Variants in MR1 observed in about 807,000 individuals in gnomAD.
The protein encoded by MR1 is major histocompatibility complex class I-related protein 1.
MR1 carries 44 observed loss-of-function variants against 37.8 expected under a neutral mutation model. The observed-to-expected ratio is 1.16, with a 90% CI of 0.91 to 1.50. MR1 has a LOEUF of 1.50. Among genes scored for constraint, MR1 ranks in the 40% most tolerant of loss-of-function variants. The probability of loss-of-function intolerance (pLI) is 0.00; values close to 1 mark genes in which losing one functional copy is unlikely to be tolerated. For missense variants in MR1, 386 were observed against 419.1 expected (o/e 0.92, Z 0.69); for synonymous variants, 153 against 155.8 (o/e 0.98, Z 0.13).
At chr1:181,045,719 C>A (rs1657816373) in intron 1 of MR1, among the ~76,000 whole-genome samples, 1 of 152,238 alleles carries the variant, frequency 6.6e-6, no homozygotes, top group Non-Finnish European at 1.5e-5. Context: ...GCTGCCTGGG[C>A]TCCCACTTTG....
Position 181,055,153 on chromosome 1 carries a change from A to G in MR1, c.986-72A>G, listed in dbSNP as rs1041294507. On this transcript the variant is annotated intron_variant, in intron 5 of 5. Transcript: ENST00000367580. ...ATGCCTGTTTCTCAGATTTTGCTGA[A>G]CACTGCATACTTTATTTTTGAGCTG... The G allele has an allele frequency of 1.9e-5, 28 of 1,439,524 alleles. No individual in the cohort carries two copies. In the Admixed American group the frequency reaches 4.8e-4, roughly 24 times the overall value. The allele number at this position is 1,439,524 out of a possible 1,614,324, so 89.2% of individuals were successfully genotyped here.
At chr1:181,043,741 G>A (rs10159004) in intron 1 of MR1, among the ~76,000 whole-genome samples, 17 of 152,126 alleles carry the variant, frequency 1.1e-4, no homozygotes, top group Non-Finnish European at 2.2e-4. Flanking sequence ...ACACTAACTA[G>A]TACAATCAGT....
At chr1:181,049,638 A>G in intron 2 of MR1, 1 of 488,046 alleles carries the variant, frequency 2.0e-6, no homozygotes, top group South Asian at 2.7e-5. Context: ...ACTTCCTGGT[A>G]GTCAGGCCTA....
At chr1:181,048,904 T>C (rs558683007) in intron 1 of MR1, 148 bp from the exon 2 acceptor site, 1 of 1,020,558 alleles carries the variant, frequency 9.8e-7, no homozygotes, top group Non-Finnish European at 1.4e-6. Context: ...TCCTGGGTTC[T>C]GTGGTTCTGT....
Position 181,051,485 on chromosome 1 carries a change from G to T in MR1, c.605-750G>T, listed in dbSNP as rs115514225. ...TATTGGGTTGGCCGATGATAAGGTG[G>T]GGGTCAGGAGGCAAGTCAGAGATGA... On this transcript the variant is annotated intron_variant, in intron 3 of 5. Transcript: ENST00000367580. Among the ~76,000 whole-genome samples, 1,301 of 152,176 alleles carry T rather than the reference G, an allele frequency of 8.5e-3. 19 individuals carry two copies. Among genetic ancestry groups the T allele is most frequent in the African/African-American group, 0.03 (1,241 of 41,520 alleles).
intron 1 of MR1, among the ~76,000 whole-genome samples, chr1:181,041,901 A>G (rs1657573120): frequency 6.6e-6 from 1 of 152,178 alleles, no homozygotes; most frequent in Non-Finnish European, 1.5e-5. Flanking sequence ...GAGGGCAGAC[A>G]TTTTTATCTG....
At chr1:181,037,078 A>G (rs1657314363) in intron 1 of MR1, 1 of 152,172 alleles carries the variant, frequency 6.6e-6, no homozygotes, top group African/African-American at 2.4e-5. Context: ...GCATTGCCAT[A>G]TGTGATTTGT....
At position 181,047,878 on chromosome 1, in the gene MR1, C is replaced by T. The variant is rs563109896; in HGVS notation, c.68-1174C>T. ...TCATGCCACTGCACTCCAGCCTGGG[C>T]GACAGAGTGAGACTCTGTCTCTAAA... On this transcript the variant is annotated intron_variant, in intron 1 of 5. Coordinates refer to ENST00000367580, the MANE Select transcript of MR1 (RefSeq NM_001385161.1). 2.8e-4 allele frequency among the ~76,000 whole-genome samples: 42 copies of T among 151,534 alleles called. No homozygotes were observed. In the Middle Eastern group the frequency reaches 0.01, roughly 37 times the overall value.
Position 181,049,118 on chromosome 1 carries a change from T to C in MR1, c.134T>C (p.Ile45Thr), listed in dbSNP as rs769604770. 1.9e-6 allele frequency: 3 copies of C among 1,614,140 alleles called. No homozygotes were observed. The highest frequency in any genetic ancestry group is 2.2e-5 in the South Asian group (2 of 91,090). The change falls in exon 2 of 6, where the codon ATT (isoleucine) becomes ACT (threonine). Residue 45 changes from isoleucine (I) to threonine (T), a missense_variant. By Grantham distance (89) the Ile-to-Thr change is moderately conservative (BLOSUM62 -1). Coordinates refer to ENST00000367580, the MANE Select transcript of MR1 (RefSeq NM_001385161.1). ...SDPIHGVPEF[I>T]SVGYVDSHPI... is the part of the protein sequence containing the mutation. ...CCCATCCATGGGGTCCCTGAATTTA[T>C]TTCGGTTGGGTACGTGGACTCGCAC...
At chr1:181,046,223 G>A (rs997639353) in intron 1 of MR1, among the ~76,000 whole-genome samples, 7 of 152,374 alleles carry the variant, frequency 4.6e-5, no homozygotes, top group East Asian at 3.9e-4. Flanking sequence ...GGCGCACGGC[G>A]CGGGAATGGC....
intron 1 of MR1, among the ~76,000 whole-genome samples, chr1:181,039,904 C>T (rs866111114): frequency 6.6e-6 from 1 of 151,846 alleles, no homozygotes; most frequent in African/African-American, 2.4e-5. Flanking sequence ...GAAAAATTGC[C>T]CTCATGGATG....
At chr1:181,053,491 G>T in intron 4 of MR1, 82 bp from the exon 5 acceptor site, 1 of 1,023,274 alleles carries the variant, frequency 9.8e-7, no homozygotes, top group South Asian at 1.4e-5. Context: ...GTTTCCTGAT[G>T]ATCACAGGGA....
intron 1 of MR1, among the ~76,000 whole-genome samples, chr1:181,041,465 T>C (rs1194684088): frequency 1.3e-5 from 2 of 152,252 alleles, no homozygotes; most frequent in African/African-American, 4.8e-5. Context: ...CATCTTTTTT[T>C]CTTCCTTCTT....
At chr1:181,050,428 C>A in intron 3 of MR1, 142 bp downstream of exon 3, 3 of 1,068,572 alleles carry the variant, frequency 2.8e-6, no homozygotes, top group East Asian at 2.6e-5. Flanking sequence ...CTAGAGCCCC[C>A]ACGAAAACTT....
intron 1 of MR1, among the ~76,000 whole-genome samples, chr1:181,035,496 G>T (rs941291718): frequency 1.3e-5 from 2 of 152,126 alleles, no homozygotes; most frequent in Non-Finnish European, 2.9e-5. Context: ...AAGATTGGGG[G>T]TGAGGGTAAG....
intron 1 of MR1, among the ~76,000 whole-genome samples, chr1:181,043,941 ATTT>A (rs5779078): frequency 7.8e-6 from 1 of 128,398 alleles, no homozygotes; most frequent in Non-Finnish European, 1.6e-5. Context: ...TTGTGAGCTG[ATTT>A]TTTTTTTTTG....
chr1:181,045,175 T>C (rs753222520), intron 1 of MR1, among the ~76,000 whole-genome samples: 1 of 152,198 alleles, frequency 6.6e-6, no homozygotes, highest in Non-Finnish European at 1.5e-5. Context: ...GATCCTGTTT[T>C]AGGGATGAAA....
intron 1 of MR1, among the ~76,000 whole-genome samples, chr1:181,046,177 G>A (rs529540132): frequency 8.6e-4 from 131 of 152,322 alleles, no homozygotes; most frequent in African/African-American, 3.1e-3. Context: ...GCTCCACGGC[G>A]CCAGTCCCAT....
At chr1:181,049,361 C>T in intron 2 of MR1, 49 bp downstream of exon 2, 1 of 1,572,326 alleles carries the variant, frequency 6.4e-7, no homozygotes, top group Non-Finnish European at 8.6e-7. Context: ...CCCCAACCCG[C>T]AGAGACCCCT....
Sources: gnomAD v4.1 joint callset for allele counts (sites outside exome capture counted in the v4.1 genomes callset) on GRCh38, gnomAD v4.1.1 for gene constraint, MANE v1.5 for transcripts, NCBI Gene and HGNC (gene_info 2026-07-23, HGNC 2026-07-21) for gene names.